TXK: variants seen among roughly 807,000 people sequenced by gnomAD.
TXK encodes the protein tyrosine-protein kinase TXK.
Under a neutral mutation model 81.0 loss-of-function variants are expected in TXK, and 60 were observed. The observed-to-expected ratio is 0.74, with a 90% CI of 0.60 to 0.92. TXK has a LOEUF of 0.92. Ranked by LOEUF, TXK falls within the 40% of genes least tolerant of loss-of-function variation. The pLI is 0.00. For synonymous variants in TXK, 203 were observed against 210.7 expected (o/e 0.96, Z 0.32); for missense variants, 581 against 638.3 (o/e 0.91, Z 0.97).
chr4:48,116,265 G>A (rs576628983), intron 1 of TXK, among the ~76,000 whole-genome samples: 1 of 152,310 alleles, frequency 6.6e-6, no homozygotes, highest in East Asian at 1.9e-4. Context: ...GTCGATTCAT[G>A]TAAAACTCCT....
At chr4:48,086,415 C>T in intron 10 of TXK, 51 bp downstream of exon 10, 1 of 1,587,840 alleles carries the variant, frequency 6.3e-7, no homozygotes. Flanking sequence ...ATGTTGTTTC[C>T]ATGACACCAG....
intron 1 of TXK, among the ~76,000 whole-genome samples, chr4:48,130,454 C>A (rs4146007): frequency 1.3e-5 from 2 of 152,024 alleles, no homozygotes; most frequent in Non-Finnish European, 2.9e-5. Flanking sequence ...GGATTCTCTG[C>A]GGGCTGCCTG....
chr4:48,071,870 A>T (rs934836303), intron 13 of TXK, among the ~76,000 whole-genome samples, 196 bp from the exon 14 acceptor site: 4 of 152,164 alleles, frequency 2.6e-5, no homozygotes, highest in African/African-American at 9.7e-5. Flanking sequence ...ACCTGAAAAT[A>T]ATCTAAGTGA....
Position 48,073,323 on chromosome 4 carries a change from T to A in TXK, c.1357+612A>T, listed in dbSNP as rs554779611. On this transcript the variant is annotated intron_variant, in intron 13 of 14. Coordinates refer to ENST00000264316, the MANE Select transcript of TXK (RefSeq NM_003328.3). ...GGGGTGAAAGAGGATAGATAGATTT[T>A]TGCATATTTATTACCATTTTTTGAA... Among the ~76,000 whole-genome samples the A allele has an allele frequency of 2.0e-5, 3 of 152,294 alleles. No homozygotes were observed. The East Asian group carries it at 5.8e-4, about 29-fold the overall frequency.
At chr4:48,086,710 G>C in intron 9 of TXK, 73 bp from the exon 10 acceptor site, 1 of 1,404,190 alleles carries the variant, frequency 7.1e-7, no homozygotes, top group Non-Finnish European at 9.9e-7. Context: ...AAAATGTTTA[G>C]GAAGTATCTA....
At chr4:48,127,632 C>T (rs992768473) in intron 1 of TXK, among the ~76,000 whole-genome samples, 3 of 152,376 alleles carry the variant, frequency 2.0e-5, no homozygotes, top group African/African-American at 7.2e-5. Flanking sequence ...ACTGAAGGAG[C>T]TGAGCTTCCT....
chr4:48,131,346 G>T (rs1719243652), intron 1 of TXK, among the ~76,000 whole-genome samples: 1 of 149,710 alleles, frequency 6.7e-6, no homozygotes, highest in Non-Finnish European at 1.5e-5. Flanking sequence ...AAAAGACTGG[G>T]TCTCACTTTG....
chr4:48,071,051 C>A (rs1716829746), intron 14 of TXK, among the ~76,000 whole-genome samples: 2 of 151,704 alleles, frequency 1.3e-5, no homozygotes, highest in Admixed American at 1.3e-4. Flanking sequence ...AGGCATGCAC[C>A]ACCACGCCCG....
intron 14 of TXK, among the ~76,000 whole-genome samples, chr4:48,068,372 T>C (rs1716691200): frequency 6.6e-6 from 1 of 152,270 alleles, no homozygotes; most frequent in Non-Finnish European, 1.5e-5. Context: ...TGAGCCATTA[T>C]AGAAAGGAGG....
chr4:48,077,254 A>C (rs1015608839), intron 11 of TXK, among the ~76,000 whole-genome samples: 1 of 110,124 alleles, frequency 9.1e-6, no homozygotes, highest in Non-Finnish European at 1.9e-5. Context: ...CATTGATTTG[A>C]TTATTTAGCC....
chr4:48,101,932 G>A (rs938742798), intron 6 of TXK, among the ~76,000 whole-genome samples: 6 of 151,950 alleles, frequency 3.9e-5, no homozygotes, highest in Non-Finnish European at 7.4e-5. Flanking sequence ...ACATATAACT[G>A]ACAGAAAAGA....
rs1345398701 is a variant in TXK, at chr4:48,095,204, T to C, written c.520A>G (p.Ile174Val). 1 of 1,613,518 alleles carries C rather than the reference T, an allele frequency of 6.2e-7. No individual in the cohort carries two copies. Among genetic ancestry groups the C allele is most frequent in the South Asian group, 1.1e-5 (1 of 91,070 alleles). The stretch of plus-strand genomic sequence containing the variant: ...CCTAAATGTCTTGAATCTCTGACAA[T>C]AAATGCACCTTCTTTAGACTGCAAA... Reference protein sequence around the residue: ...LRQESKEGAFIVRDSRHLGSY... With the variant: ...LRQESKEGAFVVRDSRHLGSY... Residue 174 changes from isoleucine (I) to valine (V), a missense_variant, in exon 7 of 15, where the codon ATT becomes GTT. Ile to Val is a conservative substitution (Grantham distance 29, BLOSUM62 3). Coordinates refer to ENST00000264316, the MANE Select transcript of TXK (RefSeq NM_003328.3).
intron 1 of TXK, among the ~76,000 whole-genome samples, chr4:48,125,551 G>C (rs540555239): frequency 1.6e-4 from 24 of 152,300 alleles, no homozygotes; most frequent in African/African-American, 5.8e-4. Flanking sequence ...CTCTCTCCCT[G>C]CTATCAAAGC....
intron 11 of TXK, 102 bp from the exon 12 acceptor site, chr4:48,076,568 T>G: frequency 1.1e-6 from 1 of 888,234 alleles, no homozygotes; most frequent in Non-Finnish European, 1.8e-6. Context: ...ACTACCTCTC[T>G]GTGTGTACCG....
chr4:48,130,595 A>T (rs1030364949), intron 1 of TXK, among the ~76,000 whole-genome samples: 13 of 152,148 alleles, frequency 8.5e-5, no homozygotes, highest in African/African-American at 3.1e-4. Flanking sequence ...TCTAATCACA[A>T]GAAGTGAGGT....
At position 48,086,572 on chromosome 4, in the gene TXK, C is replaced by G. The variant is rs746535161; in HGVS notation, c.850G>C (p.Val284Leu). ...GACCGCCATTCACCTAAATGGACCACTCCAAACTGACCGCTTCCAATCTCC... is the reference window on the plus strand; with the variant it reads ...GACCGCCATTCACCTAAATGGACCAGTCCAAACTGACCGCTTCCAATCTCC... ...IKEIGSGQFG[V>L]VHLGEWRSHI... Residue 284 changes from valine to leucine, a missense_variant, in exon 10 of 15, where the codon GTG (valine) becomes CTG (leucine). Transcript: ENST00000264316. The G allele has an allele frequency of 2.5e-6, 4 of 1,613,998 alleles. No homozygotes were observed. Among genetic ancestry groups the G allele is most frequent in the Non-Finnish European group, 3.4e-6 (4 of 1,179,996 alleles).
intron 6 of TXK, among the ~76,000 whole-genome samples, chr4:48,100,039 G>A (rs1718130711): frequency 6.6e-6 from 1 of 151,328 alleles, no homozygotes; most frequent in Non-Finnish European, 1.5e-5. Flanking sequence ...GGGCGCAGTG[G>A]CGGGCGCCTG....
chr4:48,106,914 A>G (rs73136276), intron 5 of TXK, among the ~76,000 whole-genome samples: 85 of 152,284 alleles, frequency 5.6e-4, no homozygotes, highest in African/African-American at 2.0e-3. Context: ...ACTTGTTTTT[A>G]AAATGATATT....
chr4:48,090,138 T>C (rs957783191), intron 8 of TXK, among the ~76,000 whole-genome samples: 1 of 152,200 alleles, frequency 6.6e-6, no homozygotes, highest in African/African-American at 2.4e-5. Context: ...ATTGAAAACA[T>C]GAACACATCC....
Sources: allele counts gnomAD v4.1 joint callset (sites outside exome capture counted in the v4.1 genomes callset), GRCh38; gene constraint gnomAD v4.1.1; transcripts MANE v1.5; gene names NCBI Gene and HGNC (gene_info 2026-07-23, HGNC 2026-07-21).